CHRM2: variants seen among roughly 807,000 people sequenced by gnomAD.
CHRM2 encodes the protein cholinergic receptor muscarinic 2, also known as muscarinic acetylcholine receptor M2.
CHRM2 carries 8 observed loss-of-function variants against 25.0 expected under a neutral mutation model. That is an observed-to-expected ratio of 0.32 (90% CI 0.19 to 0.58). CHRM2 has a LOEUF of 0.58. Ranked by LOEUF, CHRM2 falls within the 20% of genes least tolerant of loss-of-function variation. The pLI is 0.88. For synonymous variants in CHRM2, 202 were observed against 205.7 expected (o/e 0.98, Z 0.15); for missense variants, 440 against 567.1 (o/e 0.78, Z 2.28).
At chr7:137,005,101 G>C (rs2131084072) in intron 3 of CHRM2, among the ~76,000 whole-genome samples, 1 of 152,152 alleles carries the variant, frequency 6.6e-6, no homozygotes, top group Middle Eastern at 3.4e-3. Flanking sequence ...ATATGGGGGT[G>C]AACTGGTTTC....
intron 3 of CHRM2, among the ~76,000 whole-genome samples, chr7:136,997,811 T>C (rs1460741462): frequency 6.6e-6 from 1 of 152,154 alleles, no homozygotes; most frequent in African/African-American, 2.4e-5. Context: ...TTCCTTAATT[T>C]CCCTCCCTTC....
At chr7:136,874,981 T>A (rs1221288329) in intron 2 of CHRM2, among the ~76,000 whole-genome samples, 1 of 151,534 alleles carries the variant, frequency 6.6e-6, no homozygotes, top group Non-Finnish European at 1.5e-5. Context: ...GACTTCTAAA[T>A]GGAAGTCTTC....
At chr7:136,902,204 G>T (rs79757396) in intron 2 of CHRM2, 80 of 141,726 alleles carry the variant, frequency 5.6e-4, no homozygotes, top group East Asian at 2.0e-3. Context: ...TCTATCTATC[G>T]ATCTATCTAT....
chr7:136,930,725 G>A (rs540304768), intron 2 of CHRM2, among the ~76,000 whole-genome samples: 14 of 151,600 alleles, frequency 9.2e-5, no homozygotes, highest in African/African-American at 2.9e-4. Context: ...GTGAAACCCC[G>A]TCTCTACTAA....
At chr7:136,880,625 G>GT (rs1019146625) in intron 2 of CHRM2, among the ~76,000 whole-genome samples, 1 of 151,646 alleles carries the variant, frequency 6.6e-6, no homozygotes. Context: ...TGCTGCAATA[G>GT]TTTTTTTAAT....
At chr7:136,945,859 A>C (rs1800043598) in intron 2 of CHRM2, among the ~76,000 whole-genome samples, 1 of 152,142 alleles carries the variant, frequency 6.6e-6, no homozygotes, top group African/African-American at 2.4e-5. Flanking sequence ...ATAAACACTA[A>C]GCAATTCCTA....
chr7:136,885,951 G>A (rs923938766), intron 2 of CHRM2, among the ~76,000 whole-genome samples: 3 of 152,126 alleles, frequency 2.0e-5, no homozygotes, highest in African/African-American at 7.2e-5. Context: ...TACAGCCTAG[G>A]GTGGTTTTGG....
chr7:136,980,907 CT>C (rs1802443497), intron 2 of CHRM2, among the ~76,000 whole-genome samples: 1 of 151,956 alleles, frequency 6.6e-6, no homozygotes, highest in African/African-American at 2.4e-5. Context: ...AATTTTCTTT[CT>C]TTTGTGTGTC....
At chr7:136,989,741 G>T (rs1803094306) in intron 2 of CHRM2, among the ~76,000 whole-genome samples, 1 of 151,984 alleles carries the variant, frequency 6.6e-6, no homozygotes, top group Admixed American at 6.6e-5. Context: ...TAATCTTTCT[G>T]CTCCTGGTTT....
At chr7:136,953,896 A>G (rs905724446) in intron 2 of CHRM2, among the ~76,000 whole-genome samples, 1 of 152,126 alleles carries the variant, frequency 6.6e-6, no homozygotes, top group African/African-American at 2.4e-5. Flanking sequence ...CAAGCAGCAC[A>G]GCACTGCCTC....
At chr7:136,992,554 C>T (rs1353312980) in intron 3 of CHRM2, among the ~76,000 whole-genome samples, 3 of 152,094 alleles carry the variant, frequency 2.0e-5, no homozygotes, top group African/African-American at 7.2e-5. Flanking sequence ...TACACCCTAC[C>T]GTAAGCACGT....
At chr7:136,983,012 C>T (rs1208343159) in intron 2 of CHRM2, among the ~76,000 whole-genome samples, 1 of 152,190 alleles carries the variant, frequency 6.6e-6, no homozygotes, top group African/African-American at 2.4e-5. Context: ...GGGAAATTCT[C>T]TTGGATAATA....
intron 2 of CHRM2, among the ~76,000 whole-genome samples, chr7:136,905,016 A>C (rs1286707806): frequency 6.6e-6 from 1 of 152,004 alleles, no homozygotes; most frequent in Non-Finnish European, 1.5e-5. Flanking sequence ...GATGATAGCA[A>C]AATCAAATGT....
rs575655512 is a variant in CHRM2, at chr7:136,890,449, G to T, written c.-125+21031G>T. On this transcript the variant is annotated intron_variant, in intron 2 of 3. Coordinates refer to ENST00000680005, the MANE Select transcript of CHRM2 (RefSeq NM_001006630.2). ...CTTTCAAATTAAGTAGTTTTCCTTT[G>T]CCGAATTTCAAAAGAATATTTAGCA... Among the ~76,000 whole-genome samples, 16 of 152,272 alleles carry T rather than the reference G, an allele frequency of 1.1e-4. No homozygotes were observed. In the South Asian group the frequency reaches 2.3e-3, roughly 22 times the overall value.
At chr7:136,922,163 C>T (rs1490890736) in intron 2 of CHRM2, among the ~76,000 whole-genome samples, 4 of 152,180 alleles carry the variant, frequency 2.6e-5, no homozygotes. Context: ...CTATTCTCTT[C>T]CAAAGCTCAT....
intron 2 of CHRM2, among the ~76,000 whole-genome samples, chr7:136,965,630 G>A (rs921081629): frequency 2.0e-5 from 3 of 152,036 alleles, no homozygotes; most frequent in Admixed American, 1.3e-4. Context: ...CAATCTTGAC[G>A]AAGAAGAAAA....
chr7:136,873,230 T>C (rs1795913039), intron 2 of CHRM2, among the ~76,000 whole-genome samples: 3 of 152,188 alleles, frequency 2.0e-5, no homozygotes, highest in African/African-American at 7.2e-5. Flanking sequence ...ACTTCTCTCA[T>C]TTAAGATAAA....
At chr7:136,976,055 C>A (rs528374298) in intron 2 of CHRM2, among the ~76,000 whole-genome samples, 4 of 152,010 alleles carry the variant, frequency 2.6e-5, no homozygotes, top group African/African-American at 9.7e-5. Context: ...ATAACTAGAT[C>A]TTGAAGAATG....
chr7:136,941,900 G>A (rs1312461644), intron 2 of CHRM2, among the ~76,000 whole-genome samples: 1 of 152,116 alleles, frequency 6.6e-6, no homozygotes, highest in African/African-American at 2.4e-5. Flanking sequence ...TCAACACCTT[G>A]GCTCTGTCCA....
Sources: allele counts gnomAD v4.1 joint callset (sites outside exome capture counted in the v4.1 genomes callset), GRCh38; gene constraint gnomAD v4.1.1; transcripts MANE v1.5; gene names NCBI Gene and HGNC (gene_info 2026-07-23, HGNC 2026-07-21).